CHN2: variants seen among roughly 807,000 people sequenced by gnomAD.
CHN2 encodes the protein chimerin 2, also known as beta-chimaerin.
Under a neutral mutation model 56.3 loss-of-function variants are expected in CHN2, and 35 were observed. That is an observed-to-expected ratio of 0.62 (90% CI 0.47 to 0.82). The LOEUF (loss-of-function observed/expected upper bound fraction) is 0.82. Ranked by LOEUF, CHN2 falls within the 40% of genes least tolerant of loss-of-function variation. The pLI is 0.00. For missense variants in CHN2, 491 were observed against 580.5 expected (o/e 0.85, Z 1.58); for synonymous variants, 210 against 212.8 (o/e 0.99, Z 0.12).
chr7:29,264,833 AG>A (rs200934440), intron 1 of CHN2, among the ~76,000 whole-genome samples: 5 of 145,340 alleles, frequency 3.4e-5, no homozygotes, highest in South Asian at 2.2e-4. Flanking sequence ...AAAAAAAAAA[AG>A]AATTTAAAAA....
intron 6 of CHN2, among the ~76,000 whole-genome samples, chr7:29,459,962 C>G (rs1433972964): frequency 6.6e-6 from 1 of 152,202 alleles, no homozygotes; most frequent in Non-Finnish European, 1.5e-5. Flanking sequence ...TCCCCCTCTG[C>G]CACTCAGGCA....
chr7:29,166,058 G>T (rs1795870165), intron 2 of CHN2, among the ~76,000 whole-genome samples: 1 of 152,048 alleles, frequency 6.6e-6, no homozygotes, highest in African/African-American at 2.4e-5. Flanking sequence ...TTTAGACAGG[G>T]TCTCACTCTA....
At chr7:29,398,564 G>A (rs1447163821) in intron 5 of CHN2, 78 bp downstream of exon 5, 13 of 899,234 alleles carry the variant, frequency 1.4e-5, no homozygotes, top group Non-Finnish European at 2.2e-5. Flanking sequence ...AAGAATTGTA[G>A]CAGAGTATAC....
At position 29,285,693 on chromosome 7, in the gene CHN2, G is replaced by A. The variant is rs148889289; in HGVS notation, c.50-68932G>A. Reference sequence around the variant, plus strand: ...TGTGTTTATTTTAACCTGAATACAGGCTTCACATTCATCACCATTGTGTCT... The same window carrying A: ...TGTGTTTATTTTAACCTGAATACAGACTTCACATTCATCACCATTGTGTCT... On this transcript the variant is annotated intron_variant, in intron 1 of 12. Coordinates refer to ENST00000222792, the MANE Select transcript of CHN2 (RefSeq NM_004067.4). Among the ~76,000 whole-genome samples the A allele has an allele frequency of 8.4e-3, 1,276 of 152,288 alleles. 19 individuals carry two copies. The highest frequency in any genetic ancestry group is 0.029 in the African/African-American group (1,213 of 41,560).
chr7:29,476,536 CA>C (rs35924824), intron 6 of CHN2, among the ~76,000 whole-genome samples: 3 of 143,622 alleles, frequency 2.1e-5, no homozygotes, highest in Non-Finnish European at 3.0e-5. Flanking sequence ...GAGTCCGTCT[CA>C]AAAAAAAAAC....
intron 2 of CHN2, among the ~76,000 whole-genome samples, chr7:29,356,772 T>A (rs1021716638): frequency 2.0e-5 from 3 of 152,212 alleles, no homozygotes; most frequent in African/African-American, 7.2e-5. Flanking sequence ...TCTTCTACTT[T>A]GAAAGGCCGT....
intron 3 of CHN2, among the ~76,000 whole-genome samples, chr7:29,390,743 A>G (rs1801299021): frequency 2.0e-5 from 3 of 152,200 alleles, no homozygotes; most frequent in African/African-American, 7.2e-5. Flanking sequence ...CTGATGGCCA[A>G]CACGGAGCCT....
At chr7:29,194,233 T>A (rs972127980), upstream of CHN2, 9 of 134,010 alleles carry the variant, frequency 6.7e-5, no homozygotes, top group Non-Finnish European at 1.4e-4. Flanking sequence ...GGAGCAGCGC[T>A]GCGCGCAGCA....
chr7:29,404,292 C>T (rs1802458439), intron 6 of CHN2, among the ~76,000 whole-genome samples: 2 of 152,136 alleles, frequency 1.3e-5, no homozygotes, highest in South Asian at 2.1e-4. Context: ...AAAAAGTATA[C>T]CCTACGAATC....
chr7:29,401,064 A>C (rs1284161241), intron 6 of CHN2: 5 of 510,582 alleles, frequency 9.8e-6, no homozygotes, highest in East Asian at 6.9e-5. Context: ...GTCAGGAGAT[A>C]GAGACCATCC....
chr7:29,304,366 G>A (rs1000585815), intron 1 of CHN2, among the ~76,000 whole-genome samples: 6 of 152,142 alleles, frequency 3.9e-5, no homozygotes, highest in African/African-American at 1.4e-4. Flanking sequence ...GACTGAAGGA[G>A]CAAATAAACA....
At chr7:29,439,908 A>T (rs564152436) in intron 6 of CHN2, among the ~76,000 whole-genome samples, 1 of 152,296 alleles carries the variant, frequency 6.6e-6, no homozygotes, top group East Asian at 1.9e-4. Flanking sequence ...TCTCCATTTT[A>T]CAGACAGGCA....
chr7:29,335,783 A>C (rs1471663903), intron 1 of CHN2: 1 of 152,260 alleles, frequency 6.6e-6, no homozygotes, highest in Non-Finnish European at 1.5e-5. Flanking sequence ...TGCACTGTGC[A>C]CTGTAAAAGC....
chr7:29,366,144 T>A (rs1359180255), intron 2 of CHN2, among the ~76,000 whole-genome samples: 1 of 152,194 alleles, frequency 6.6e-6, no homozygotes, highest in East Asian at 1.9e-4. Flanking sequence ...AGGTCCCTTT[T>A]CTTTTGAGAA....
At chr7:29,254,052 G>A (rs73074571) in intron 1 of CHN2, among the ~76,000 whole-genome samples, 2,852 of 152,276 alleles carry the variant, frequency 0.019, 34 homozygotes, top group Non-Finnish European at 0.028. Context: ...TTACAGGCCT[G>A]CGCCACTGCG....
chr7:29,460,686 A>G (rs1785100495), intron 6 of CHN2, among the ~76,000 whole-genome samples: 1 of 152,226 alleles, frequency 6.6e-6, no homozygotes, highest in Non-Finnish European at 1.5e-5. Context: ...AGAGTCCAGA[A>G]TCTTTCCAGG....
intron 2 of CHN2, among the ~76,000 whole-genome samples, chr7:29,177,127 C>T (rs984352778): frequency 6.6e-6 from 1 of 152,166 alleles, no homozygotes. Context: ...CACAGAGACA[C>T]TAAAAAATTT....
chr7:29,400,902 C>A, intron 6 of CHN2, 74 bp downstream of exon 6: 3 of 1,460,966 alleles, frequency 2.1e-6, no homozygotes, highest in Non-Finnish European at 1.9e-6. Flanking sequence ...ACTATAGGTG[C>A]GATTTGCTGA....
intron 1 of CHN2, among the ~76,000 whole-genome samples, chr7:29,316,098 A>G (rs966735165): frequency 1.3e-5 from 2 of 152,192 alleles, no homozygotes; most frequent in African/African-American, 4.8e-5. Flanking sequence ...TCAAATGGAC[A>G]GGTTGGGCCA....
Sources: gnomAD v4.1 joint callset for allele counts (sites outside exome capture counted in the v4.1 genomes callset) on GRCh38, gnomAD v4.1.1 for gene constraint, MANE v1.5 for transcripts, NCBI Gene and HGNC (gene_info 2026-07-23, HGNC 2026-07-21) for gene names.